Variants in CDC25A observed in about 807,000 individuals in gnomAD.
CDC25A encodes the protein cell division cycle 25A.
A neutral mutation model predicts 64.6 loss-of-function variants in CDC25A; 17 were observed. The observed-to-expected ratio is 0.26, with a 90% confidence interval of 0.18 to 0.39. The LOEUF is 0.39. Ranked by LOEUF, CDC25A falls within the 10% of genes least tolerant of loss-of-function variation. The probability of loss-of-function intolerance (pLI) is 1.00; values close to 1 mark genes in which losing one functional copy is unlikely to be tolerated. For missense variants in CDC25A, 473 were observed against 654.8 expected, an observed-to-expected ratio of 0.72 and a Z score of 3.03; for synonymous variants, 229 against 238.6, an observed-to-expected ratio of 0.96 and a Z score of 0.37.
chr3:48,177,877 G>A lies in CDC25A; in HGVS notation c.661C>T (p.Leu221Phe). 1 of 1,613,946 alleles carries A rather than the reference G, an allele frequency of 6.2e-7. No homozygotes were observed. ...LSDEDDGFVD[L>F]LDGENLKNEE... The stretch of plus-strand genomic sequence containing the variant: ...ACCTTCAGATTCTCTCCATCGAGAA[G>A]GTCCACGAAGCCATCATCCTCATCA... The change falls in exon 7 of 15, where the codon CTT (leucine) becomes TTT (phenylalanine). Residue 221 changes from leucine to phenylalanine, a missense_variant. Physicochemically the swap from Leu to Phe is conservative, Grantham distance 22. Transcript: ENST00000302506.
At chr3:48,180,441 A>T (rs2032622712) in intron 6 of CDC25A, 2 of 308,244 alleles carry the variant, frequency 6.5e-6, no homozygotes, top group Non-Finnish European at 1.2e-5. Context: ...TAATCCCACC[A>T]TACATACATT....
At chr3:48,165,992 C>T in intron 10 of CDC25A, 99 bp from the exon 11 acceptor site, 2 of 875,870 alleles carry the variant, frequency 2.3e-6, no homozygotes, top group South Asian at 2.9e-5. Flanking sequence ...TTTTAAAAAA[C>T]AAACATTAAT....
At chr3:48,178,683 A>C (rs2032555008) in intron 6 of CDC25A, among the ~76,000 whole-genome samples, 1 of 152,188 alleles carries the variant, frequency 6.6e-6, no homozygotes, top group Non-Finnish European at 1.5e-5. Flanking sequence ...TCCAAAATCC[A>C]AACTCTTCTC....
rs112131691 is a variant in CDC25A, at chr3:48,173,697, T to C, written c.930+587A>G. Among the ~76,000 whole-genome samples, 316 of 152,282 alleles carry C rather than the reference T, an allele frequency of 2.1e-3. 3 individuals carry two copies. Among genetic ancestry groups the C allele is most frequent in the African/African-American group, 6.8e-3 (283 of 41,558 alleles). On this transcript the variant is annotated intron_variant, in intron 9 of 14. Transcript: ENST00000302506. ...TCCCCACCCAAGGTGTCAATGGAGT[T>C]TGTGCTGGGGAACCCGGACTTCCAC...
At chr3:48,177,495 G>GTGC in intron 7 of CDC25A, 53 bp from the exon 8 acceptor site, 1 of 1,364,950 alleles carries the variant, frequency 7.3e-7, no homozygotes, top group Non-Finnish European at 1.0e-6. Context: ...ACTAACATTT[G>GTGC]TTTAAGTGCT....
At chr3:48,182,582 G>A (rs1559964145) in intron 5 of CDC25A, among the ~76,000 whole-genome samples, 1 of 152,172 alleles carries the variant, frequency 6.6e-6, no homozygotes, top group Non-Finnish European at 1.5e-5. Context: ...GAGCCTTCCA[G>A]ACAAACACTA....
intron 13 of CDC25A, among the ~76,000 whole-genome samples, chr3:48,160,304 C>T (rs367550521): frequency 1.1e-3 from 170 of 151,990 alleles, no homozygotes; most frequent in African/African-American, 4.0e-3. Context: ...AGAGATGGGG[C>T]TTCACCATGT....
intron 1 of CDC25A, among the ~76,000 whole-genome samples, chr3:48,187,526 G>C (rs1020002551): frequency 6.6e-6 from 1 of 152,264 alleles, no homozygotes; most frequent in Non-Finnish European, 1.5e-5. Flanking sequence ...TCCGAAAGGG[G>C]TGAAGGTGGG....
intron 8 of CDC25A, 32 bp downstream of exon 8, chr3:48,177,339 G>C: frequency 6.4e-7 from 1 of 1,557,010 alleles, no homozygotes; most frequent in Non-Finnish European, 8.9e-7. Context: ...CAATCACGCA[G>C]GGCTTCCTCC....
At chr3:48,180,699 C>G (rs371529299) in intron 6 of CDC25A, 22 bp downstream of exon 6, 1 of 1,609,998 alleles carries the variant, frequency 6.2e-7, no homozygotes, top group East Asian at 2.2e-5. Context: ...AGGAATTCCC[C>G]TATGAAAGCC....
chr3:48,183,482 C>G (rs1257207552), intron 4 of CDC25A, among the ~76,000 whole-genome samples: 1 of 152,092 alleles, frequency 6.6e-6, no homozygotes, highest in Admixed American at 6.6e-5. Context: ...TTGAAACCAG[C>G]CTGGGCAACA....
rs532141329 is a variant in CDC25A at position 48,165,651 on chromosome 3, C to G, written c.1176G>C (p.Glu392Asp). 3 of 1,612,824 alleles carry G rather than the reference C, an allele frequency of 1.9e-6. No homozygotes were observed. In the Admixed American group the frequency reaches 5.0e-5, roughly 27 times the overall value. The change falls in exon 12 of 15, where the codon GAG (glutamate) becomes GAC (aspartate). Residue 392 changes from glutamate to aspartate, a missense_variant. Coordinates refer to ENST00000302506, the MANE Select transcript of CDC25A (RefSeq NM_001789.3). ...GAATCCATACCTTGATGTGGCCTCC[C>G]TCGTATTCATATGGGTATCGACAGT... The part of the protein sequence containing the change: ...IIDCRYPYEY[E>D]GGHIKGAVNL...
chr3:48,159,756 C>A (rs2031669221), intron 13 of CDC25A, among the ~76,000 whole-genome samples: 1 of 152,190 alleles, frequency 6.6e-6, no homozygotes, highest in African/African-American at 2.4e-5. Context: ...TATGAGCCAG[C>A]TTCCCCTTGC....
Position 48,188,094 on chromosome 3 carries a change from TGCCGCGGGCAAGCGGC to T in CDC25A, c.-163_-148del, listed in dbSNP as rs1395542287. The T allele has an allele frequency of 6.5e-6, 4 of 618,612 alleles. No homozygotes were observed. In the African/African-American group the frequency reaches 7.7e-5, roughly 12 times the overall value. The allele number at this position is 618,612 out of a possible 1,614,324, so 38.3% of individuals were successfully genotyped here. ...CGACTCCGCGGTTCAGGGACGCGGC[TGCCGCGGGCAAGCGGC>T]GCGGCCGGGCGGGTGTGCGGACCCT... On this transcript the variant is annotated 5_prime_UTR_variant, in exon 1 of 15. Transcript: ENST00000302506.
intron 9 of CDC25A, 87 bp downstream of exon 9, chr3:48,174,197 G>T: frequency 1.6e-6 from 2 of 1,243,604 alleles, no homozygotes; most frequent in South Asian, 1.5e-5. Flanking sequence ...TCTTAGCAAA[G>T]AAAATAAATG....
intron 6 of CDC25A, 199 bp downstream of exon 6, chr3:48,180,522 C>T: frequency 1.0e-5 from 5 of 486,916 alleles, no homozygotes; most frequent in Non-Finnish European, 1.1e-5. Context: ...TTTCAAACAC[C>T]ATCTCCCACT....
intron 9 of CDC25A, among the ~76,000 whole-genome samples, chr3:48,170,708 G>A (rs967567379): frequency 1.3e-5 from 2 of 152,120 alleles, no homozygotes; most frequent in Non-Finnish European, 2.9e-5. Flanking sequence ...TGGAGGGTGG[G>A]GCTGAAAGTT....
intron 9 of CDC25A, among the ~76,000 whole-genome samples, chr3:48,168,964 T>G (rs2032165031): frequency 6.6e-6 from 1 of 152,150 alleles, no homozygotes; most frequent in Non-Finnish European, 1.5e-5. Flanking sequence ...CGTCTTAGCT[T>G]TATTCAATGA....
intron 9 of CDC25A, among the ~76,000 whole-genome samples, chr3:48,170,724 C>T (rs1297673385): frequency 2.0e-5 from 3 of 152,184 alleles, no homozygotes; most frequent in Non-Finnish European, 4.4e-5. Flanking sequence ...AAGTTCCAAC[C>T]TCTAATCATG....
Sources: gnomAD v4.1 joint callset for allele counts (sites outside exome capture counted in the v4.1 genomes callset) on GRCh38, gnomAD v4.1.1 for gene constraint, MANE v1.5 for transcripts, NCBI Gene and HGNC (gene_info 2026-07-23, HGNC 2026-07-21) for gene names.